The following ADCY8 variants were observed in gnomAD, a reference collection of about 807,000 sequenced individuals.
The protein encoded by ADCY8 is adenylate cyclase type 8.
In ADCY8, 51 loss-of-function variants were observed where a neutral mutation model predicts 119.7. That is an observed-to-expected ratio of 0.43 (90% CI 0.34 to 0.54). ADCY8 has a LOEUF of 0.54. Among genes scored for constraint, ADCY8 ranks in the 20% least tolerant of loss-of-function variants. The pLI is 0.03. For synonymous variants in ADCY8, 665 were observed against 651.0 expected, an observed-to-expected ratio of 1.02 and a Z score of -0.33; for missense variants, 1,383 against 1,598.8, an observed-to-expected ratio of 0.87 and a Z score of 2.30.
chr8:130,817,563 A>ATT (rs201774076), intron 13 of ADCY8, among the ~76,000 whole-genome samples: 1,608 of 152,360 alleles, frequency 0.011, 22 homozygotes, highest in Admixed American at 0.039. Context: ...TGTCAAAATG[A>ATT]TGCAAAAGCC....
chr8:130,980,589 G>A (rs939730848), intron 2 of ADCY8, among the ~76,000 whole-genome samples: 9 of 152,340 alleles, frequency 5.9e-5, no homozygotes, highest in African/African-American at 2.2e-4. Flanking sequence ...GTGTGAGCTT[G>A]AAGAGTTGGT....
intron 1 of ADCY8, among the ~76,000 whole-genome samples, chr8:131,035,625 T>A (rs868838335): frequency 9.2e-5 from 14 of 152,152 alleles, no homozygotes; most frequent in African/African-American, 3.1e-4. Flanking sequence ...GTCACAGATG[T>A]CATTTCCTTC....
Position 131,026,744 on chromosome 8 carries a change from T to C in ADCY8, c.960+12630A>G, listed in dbSNP as rs568992272. Among the ~76,000 whole-genome samples the C allele has an allele frequency of 1.7e-4, 26 of 152,320 alleles. No individual in the cohort carries two copies. The South Asian group carries it at 4.8e-3, about 28-fold the overall frequency. ...AGGTGAAGCCCAGAAACTGTCAGCT[T>C]AGGGCAGAGAACTCATTGAAAAAGG... On this transcript the variant is annotated intron_variant, in intron 1 of 17. Coordinates refer to ENST00000286355, the MANE Select transcript of ADCY8 (RefSeq NM_001115.3).
chr8:130,895,935 G>GT (rs1819373140), intron 7 of ADCY8, among the ~76,000 whole-genome samples: 1 of 152,124 alleles, frequency 6.6e-6, no homozygotes, highest in Non-Finnish European at 1.5e-5. Context: ...TATTTCAGGT[G>GT]TTTTTAGGGG....
chr8:130,897,355 A>G (rs551391449), intron 7 of ADCY8, among the ~76,000 whole-genome samples: 1 of 152,240 alleles, frequency 6.6e-6, no homozygotes, highest in East Asian at 1.9e-4. Flanking sequence ...TTCTTTGACC[A>G]TGTTCACCAG....
intron 8 of ADCY8, among the ~76,000 whole-genome samples, chr8:130,882,469 A>G (rs1197279542): frequency 6.6e-6 from 1 of 152,112 alleles, no homozygotes; most frequent in Non-Finnish European, 1.5e-5. Context: ...CAAAAGGAAA[A>G]TGAAGACAGC....
intron 8 of ADCY8, among the ~76,000 whole-genome samples, chr8:130,869,967 T>TTCCTTCTTCCTTCTTCCTTC (rs66528210): frequency 0.011 from 1,581 of 137,546 alleles, 44 homozygotes; most frequent in African/African-American, 0.04. Context: ...TTCTTCCTTC[T>TTCCTTCTTCCTTCTTCCTTC]TCCTTCTTCC....
At chr8:130,787,106 T>C (rs1285423880) in intron 15 of ADCY8, among the ~76,000 whole-genome samples, 1 of 152,156 alleles carries the variant, frequency 6.6e-6, no homozygotes, top group African/African-American at 2.4e-5. Flanking sequence ...CACAAGGCCC[T>C]GGAGGACACA....
intron 14 of ADCY8, among the ~76,000 whole-genome samples, chr8:130,807,270 G>A (rs139988218): frequency 4.6e-5 from 7 of 152,310 alleles, no homozygotes; most frequent in African/African-American, 1.4e-4. Context: ...CTCAGCATGG[G>A]AGAAACTATG....
chr8:130,946,808 A>G (rs1821118514), intron 3 of ADCY8, among the ~76,000 whole-genome samples: 2 of 152,174 alleles, frequency 1.3e-5, no homozygotes, highest in South Asian at 4.1e-4. Flanking sequence ...AATTGTTAGA[A>G]ATGTAGACTC....
intron 2 of ADCY8, among the ~76,000 whole-genome samples, chr8:130,974,127 G>A (rs1028092751): frequency 6.6e-6 from 1 of 152,194 alleles, no homozygotes; most frequent in Non-Finnish European, 1.5e-5. Flanking sequence ...AGCACCCTTC[G>A]TTTGTGTGGC....
intron 1 of ADCY8, among the ~76,000 whole-genome samples, chr8:130,994,732 A>T (rs1409708646): frequency 6.6e-6 from 1 of 152,172 alleles, no homozygotes; most frequent in Non-Finnish European, 1.5e-5. Context: ...TTTACTAAAC[A>T]TTATTTTCTT....
chr8:130,821,332 G>A lies in ADCY8; in HGVS notation c.2754+10C>T, dbSNP rs200821614. 8.9e-5 allele frequency: 144 copies of A among 1,611,304 alleles called. No homozygotes were observed. The highest frequency in any genetic ancestry group is 1.1e-4 in the Non-Finnish European group (135 of 1,177,804). On this transcript the variant is annotated intron_variant, in intron 13 of 17. Transcript: ENST00000286355. ...GGTAACAGAGCAGTCAGAGCGAAAT[G>A]TTAGATTACCTGCTGTCCATGGTAG...
intron 11 of ADCY8, 59 bp from the exon 12 acceptor site, chr8:130,836,508 C>T: frequency 1.3e-6 from 2 of 1,558,222 alleles, no homozygotes; most frequent in Non-Finnish European, 1.7e-6. Context: ...CCTCTCCTAG[C>T]CATGGATGCT....
At chr8:130,784,929 C>T (rs551983983) in intron 16 of ADCY8, among the ~76,000 whole-genome samples, 9 of 152,234 alleles carry the variant, frequency 5.9e-5, no homozygotes, top group African/African-American at 2.2e-4. Flanking sequence ...TGAGATAATT[C>T]ATCCATTAAC....
intron 7 of ADCY8, among the ~76,000 whole-genome samples, chr8:130,886,106 C>G (rs765967311): frequency 2.0e-5 from 3 of 152,022 alleles, no homozygotes; most frequent in Non-Finnish European, 4.4e-5. Context: ...TTATTGAACC[C>G]TTCATTTTAA....
intron 2 of ADCY8, among the ~76,000 whole-genome samples, chr8:130,954,151 G>A (rs1232239595): frequency 6.6e-6 from 1 of 152,234 alleles, no homozygotes; most frequent in Non-Finnish European, 1.5e-5. Flanking sequence ...GTTTGTAAAA[G>A]TGTTTGATTG....
At chr8:131,015,783 G>A (rs1823456450) in intron 1 of ADCY8, among the ~76,000 whole-genome samples, 1 of 152,096 alleles carries the variant, frequency 6.6e-6, no homozygotes, top group Non-Finnish European at 1.5e-5. Context: ...GGCTCAGAGA[G>A]GTAAAACAAC....
chr8:130,906,756 A>G (rs1458451623), intron 6 of ADCY8, among the ~76,000 whole-genome samples: 2 of 151,760 alleles, frequency 1.3e-5, no homozygotes, highest in African/African-American at 2.4e-5. Flanking sequence ...AAAAGTAGTC[A>G]TGATACTAAA....
Sources: gnomAD v4.1 joint callset for allele counts (sites outside exome capture counted in the v4.1 genomes callset) on GRCh38, gnomAD v4.1.1 for gene constraint, MANE v1.5 for transcripts, NCBI Gene and HGNC (gene_info 2026-07-23, HGNC 2026-07-21) for gene names.